The following RASEF variants were observed in gnomAD, a reference collection of about 807,000 sequenced individuals.
The protein encoded by RASEF is ras and EF-hand domain-containing protein.
A neutral mutation model predicts 90.1 loss-of-function variants in RASEF; 68 were observed. The observed-to-expected ratio is 0.75, with a 90% CI of 0.62 to 0.92. RASEF has a LOEUF of 0.92. RASEF is among the 40% of genes least tolerant of loss of function. The pLI, the probability that RASEF is intolerant of heterozygous loss-of-function variation, is 0.00. For missense variants in RASEF, 949 were observed against 937.2 expected, an observed-to-expected ratio of 1.01 and a Z score of -0.16; for synonymous variants, 331 against 345.2, an observed-to-expected ratio of 0.96 and a Z score of 0.46.
At chr9:83,071,598 G>C in the RASEF span, among the ~76,000 whole-genome samples, 1 of 152,058 alleles carries the variant, frequency 6.6e-6, no homozygotes, top group Admixed American at 6.6e-5. Context: ...TAGAGATGGG[G>C]GGTTTCATCA....
chr9:83,020,786 A>T (rs918271155), intron 3 of RASEF, among the ~76,000 whole-genome samples: 4 of 152,200 alleles, frequency 2.6e-5, no homozygotes, highest in African/African-American at 7.2e-5. Flanking sequence ...AAGCAATGAG[A>T]TATGATGACA....
the RASEF span, among the ~76,000 whole-genome samples, chr9:83,106,120 C>T: frequency 6.6e-6 from 1 of 152,118 alleles, no homozygotes; most frequent in Non-Finnish European, 1.5e-5. Flanking sequence ...CAGCCTATTC[C>T]TCCCCCACCC....
At chr9:83,029,690 C>T (rs1481777485) in intron 1 of RASEF, among the ~76,000 whole-genome samples, 6 of 151,140 alleles carry the variant, frequency 4.0e-5, no homozygotes, top group African/African-American at 9.7e-5. Flanking sequence ...GGATTACAGG[C>T]GTGTGCCAAC....
At chr9:83,046,260 T>C (rs1829927836) in intron 1 of RASEF, among the ~76,000 whole-genome samples, 2 of 152,202 alleles carry the variant, frequency 1.3e-5, no homozygotes, top group Non-Finnish European at 2.9e-5. Context: ...ACTGTATTTC[T>C]ATGTCTATTA....
chr9:83,007,923 C>G (rs922645151), intron 6 of RASEF, among the ~76,000 whole-genome samples: 2 of 152,116 alleles, frequency 1.3e-5, no homozygotes, highest in African/African-American at 2.4e-5. Context: ...TCATCTAAAG[C>G]CTTATATAAT....
At chr9:83,205,551 T>C in the RASEF span, among the ~76,000 whole-genome samples, 1 of 152,150 alleles carries the variant, frequency 6.6e-6, no homozygotes, top group Non-Finnish European at 1.5e-5. Flanking sequence ...CACTATGATC[T>C]GCAAAATGAA....
At chr9:83,163,617 C>T in the RASEF span, among the ~76,000 whole-genome samples, 388 of 152,178 alleles carry the variant, frequency 2.5e-3, 2 homozygotes, top group Non-Finnish European at 3.9e-3. Flanking sequence ...AGACTGGAAA[C>T]TGCTGAAGGG....
chr9:83,185,603 G>A, the RASEF span, among the ~76,000 whole-genome samples: 6 of 152,058 alleles, frequency 3.9e-5, no homozygotes, highest in African/African-American at 1.2e-4. Flanking sequence ...GCAGTCTGAT[G>A]TTCCCAACAA....
chr9:82,985,166 G>A (rs560712571), intron 16 of RASEF, among the ~76,000 whole-genome samples: 15 of 152,222 alleles, frequency 9.9e-5, no homozygotes, highest in South Asian at 8.3e-4. Context: ...TCGTTTTCAC[G>A]CTGCTGATAA....
chr9:83,179,301 G>C, the RASEF span, among the ~76,000 whole-genome samples: 1 of 152,088 alleles, frequency 6.6e-6, no homozygotes, highest in East Asian at 1.9e-4. Context: ...CACAGGCCCA[G>C]AGAAAAGTCA....
At chr9:82,999,867 G>T (rs555460591) in intron 12 of RASEF, among the ~76,000 whole-genome samples, 1 of 152,110 alleles carries the variant, frequency 6.6e-6, no homozygotes, top group African/African-American at 2.4e-5. Context: ...GCCTCCCAAA[G>T]TGCTGGGATT....
chr9:83,104,552 C>A, the RASEF span, among the ~76,000 whole-genome samples: 51 of 152,226 alleles, frequency 3.4e-4, no homozygotes, highest in African/African-American at 1.2e-3. Flanking sequence ...CAGAAAAGGA[C>A]AGGAGATGAA....
chr9:83,177,574 A>C, the RASEF span, among the ~76,000 whole-genome samples: 7 of 150,304 alleles, frequency 4.7e-5, no homozygotes, highest in Non-Finnish European at 8.9e-5. Flanking sequence ...GTTTCTGGTA[A>C]GATGCTAATC....
At chr9:83,036,136 T>C (rs1829071742) in intron 1 of RASEF, among the ~76,000 whole-genome samples, 1 of 152,206 alleles carries the variant, frequency 6.6e-6, no homozygotes, top group South Asian at 2.1e-4. Context: ...TTCCTGACCT[T>C]TTCCAGACAC....
chr9:83,208,860 T>C, the RASEF span, among the ~76,000 whole-genome samples: 1 of 152,198 alleles, frequency 6.6e-6, no homozygotes, highest in Non-Finnish European at 1.5e-5. Flanking sequence ...TAACCCTTTT[T>C]CTTATTTCCT....
chr9:83,055,410 C>G (rs1334326192), intron 1 of RASEF: 1 of 539,960 alleles, frequency 1.9e-6, no homozygotes, highest in Non-Finnish European at 3.4e-6. Flanking sequence ...GGCTCGCGCA[C>G]GGTGCGCGCA....
At chr9:83,119,720 G>T in the RASEF span, among the ~76,000 whole-genome samples, 1 of 152,182 alleles carries the variant, frequency 6.6e-6, no homozygotes, top group Non-Finnish European at 1.5e-5. Context: ...ATTCCCAAGT[G>T]CTATGGGAGG....
the RASEF span, among the ~76,000 whole-genome samples, chr9:83,189,044 G>T: frequency 6.6e-6 from 1 of 152,174 alleles, no homozygotes; most frequent in East Asian, 1.9e-4. Context: ...ATTGGTCAAA[G>T]CATCTTTGTC....
chr9:83,062,278 C>A (rs1020551257), intron 1 of RASEF, among the ~76,000 whole-genome samples, 159 bp downstream of exon 1: 4 of 151,866 alleles, frequency 2.6e-5, no homozygotes, highest in Non-Finnish European at 4.4e-5. Flanking sequence ...TTAACTCTAG[C>A]GGATCTTGGA....
Sources: allele counts gnomAD v4.1 joint callset (sites outside exome capture counted in the v4.1 genomes callset), GRCh38; gene constraint gnomAD v4.1.1; transcripts MANE v1.5; gene names NCBI Gene and HGNC (gene_info 2026-07-23, HGNC 2026-07-21).